Variants in SPTBN5 observed in about 807,000 individuals in gnomAD.
The protein encoded by SPTBN5 is spectrin beta chain, non-erythrocytic 5.
A neutral mutation model predicts 477.6 loss-of-function variants in SPTBN5; 513 were observed. That is an observed-to-expected ratio of 1.07 (90% CI 1.00 to 1.16). SPTBN5 has a LOEUF of 1.16. Among genes scored for constraint, SPTBN5 ranks in the 50% most tolerant of loss-of-function variants. The probability of loss-of-function intolerance (pLI) is 0.00; values close to 1 mark genes in which losing one functional copy is unlikely to be tolerated. For synonymous variants in SPTBN5, 2,169 were observed against 2,011.7 expected (o/e 1.08, Z -2.09); for missense variants, 5,062 against 4,731.8 (o/e 1.07, Z -2.05).
At chr15:41,888,574 C>T (rs1280460172) in intron 4 of SPTBN5, among the ~76,000 whole-genome samples, 1 of 152,234 alleles carries the variant, frequency 6.6e-6, no homozygotes, top group Admixed American at 6.5e-5. Context: ...AATTCTCCTG[C>T]CTCAGCCTCC....
intron 33 of SPTBN5, 52 bp from the exon 34 acceptor site, chr15:41,868,270 G>A (rs2066405214): frequency 6.4e-7 from 1 of 1,569,388 alleles, no homozygotes; most frequent in Non-Finnish European, 8.6e-7. Flanking sequence ...TGTGGGTGAG[G>A]TGAGGACTGG....
chr15:41,861,191 C>G (rs141661907), intron 46 of SPTBN5, among the ~76,000 whole-genome samples: 82 of 152,350 alleles, frequency 5.4e-4, no homozygotes, highest in Non-Finnish European at 1.1e-3. Flanking sequence ...CCCACACAGG[C>G]ACTCTAGAAG....
chr15:41,892,201 G>A (rs1385196804), intron 3 of SPTBN5, among the ~76,000 whole-genome samples: 2 of 152,146 alleles, frequency 1.3e-5, no homozygotes, highest in Admixed American at 6.5e-5. Flanking sequence ...GCTCCATCCA[G>A]CCAGGCCCAG....
Position 41,852,845 on chromosome 15 carries a change from G to T in SPTBN5, c.10326C>A (p.Leu3442=), listed in dbSNP as rs369795370. 1 of 1,606,814 alleles carries T rather than the reference G, an allele frequency of 6.2e-7. No individual in the cohort carries two copies. The highest frequency in any genetic ancestry group is 8.5e-7 in the Non-Finnish European group (1 of 1,175,508). Residue 3442 remains leucine, a synonymous_variant, in exon 60 of 68, where the codon CTC becomes CTA. Coordinates refer to ENST00000320955, the MANE Select transcript of SPTBN5 (RefSeq NM_016642.4). ...AEAWLACWEG[L]LLKPDYGHSV... ...TCACCCCATAGTCGGGCTTCAGCAG[G>T]AGTCCCTCCCAGCAGGCCAGCCAGG...
chr15:41,855,520 C>T, intron 54 of SPTBN5, 29 bp downstream of exon 54: 1 of 1,603,280 alleles, frequency 6.2e-7, no homozygotes, highest in Non-Finnish European at 8.5e-7. Flanking sequence ...TCTCTCTGCT[C>T]CTTCGCGGAT....
Position 41,876,263 on chromosome 15 carries a change from C to A in SPTBN5, c.3973G>T (p.Glu1325Ter). Residue 1325 changes from glutamate (E) to a stop codon, truncating the protein, a stop_gained, in exon 21 of 68, where the codon GAG (glutamate) becomes TAG (stop). Coordinates refer to ENST00000320955, the MANE Select transcript of SPTBN5 (RefSeq NM_016642.4). LOFTEE classifies it high-confidence loss of function. ...QLQEWKQDVA[E>*]LMQWMEEKGL... ...TTCTCTTCCATCCACTGCATCAGCT[C>A]TGCCACATCCTGCTTCCACTCCTGC... is the stretch of plus-strand genomic sequence containing the variant. 6.3e-7 allele frequency: 1 copy of A among 1,576,658 alleles called. No individual in the cohort carries two copies. The highest frequency in any genetic ancestry group is 8.6e-7 in the Non-Finnish European group (1 of 1,161,110).
In SPTBN5 at chr15:41,869,884, G is replaced by A; in HGVS notation, c.5810C>T (p.Ala1937Val). 3.9e-6 allele frequency: 6 copies of A among 1,554,050 alleles called. No homozygotes were observed. Among genetic ancestry groups the A allele is most frequent in the Non-Finnish European group, 5.2e-6 (6 of 1,157,412 alleles). Reference sequence around the variant, plus strand: ...CAGGAGGCGTGCCCGCTCCAGCTGGGCCCTGCGCTGCTCCATGCGTCGCTG... The same window carrying A: ...CAGGAGGCGTGCCCGCTCCAGCTGGACCCTGCGCTGCTCCATGCGTCGCTG... Reference protein sequence around the residue: ...VLQRRMEQRRAQLERARLLAR... With the variant: ...VLQRRMEQRRVQLERARLLAR... Residue 1937 changes from alanine to valine, a missense_variant, in exon 32 of 68, where the codon GCC becomes GTC. By Grantham distance (64) the Ala-to-Val change is moderately conservative. Transcript: ENST00000320955.
intron 19 of SPTBN5, 50 bp from the exon 20 acceptor site, chr15:41,876,697 C>A (rs944798223): frequency 6.3e-7 from 1 of 1,585,804 alleles, no homozygotes. Flanking sequence ...GACTCCCACC[C>A]CAGCACGAGG....
chr15:41,855,112 G>A, intron 55 of SPTBN5, 112 bp downstream of exon 55: 2 of 1,438,606 alleles, frequency 1.4e-6, no homozygotes, highest in Admixed American at 2.3e-5. Context: ...TCCTCCCTAG[G>A]ACACCCTCTC....
chr15:41,863,842 T>C (rs558378571), intron 40 of SPTBN5, 24 bp from the exon 41 acceptor site: 4 of 1,613,400 alleles, frequency 2.5e-6, no homozygotes, highest in Middle Eastern at 1.7e-4. Flanking sequence ...GGTGGTGTCA[T>C]GTGGAGCCTG....
chr15:41,848,380 C>T lies in SPTBN5; in HGVS notation c.*236G>A, dbSNP rs879848917. ...CTTGCCCACCTGCTCTGCCGTAACA[C>T]GTCTCCTCTTCACCCAGACAGGAAT... is the stretch of plus-strand genomic sequence containing the variant. On this transcript the variant is annotated 3_prime_UTR_variant, in exon 68 of 68. Transcript: ENST00000320955. The T allele has an allele frequency of 5.0e-6, 3 of 604,604 alleles. No homozygotes were observed. The highest frequency in any genetic ancestry group is 9.0e-6 in the Non-Finnish European group (3 of 334,306). The allele number at this position is 604,604 out of a possible 1,614,324, so 37.5% of individuals were successfully genotyped here. A position where few individuals can be genotyped will look rare whatever the true frequency, so the allele number is the denominator to read the frequency against.
At position 41,848,153 on chromosome 15, in the gene SPTBN5, C is replaced by T. The variant is rs1331957922; in HGVS notation, c.*463G>A. 5.5e-6 allele frequency: 3 copies of T among 547,974 alleles called. No homozygotes were observed. In the African/African-American group the frequency reaches 5.7e-5, roughly 10 times the overall value. 33.9% of individuals were successfully genotyped at this position (547,974 alleles called of 1,614,324 possible). On this transcript the variant is annotated 3_prime_UTR_variant, in exon 68 of 68. Coordinates refer to ENST00000320955, the MANE Select transcript of SPTBN5 (RefSeq NM_016642.4). ...CACAGACTCATACAAATGTGAGGCG[C>T]TGAGACCATCTGTTATTACTGCTGA... is the stretch of plus-strand genomic sequence containing the variant.
rs1391372170 is a variant in SPTBN5 at position 41,860,736 on chromosome 15, G to T, written c.7838C>A (p.Pro2613His). 1.3e-6 allele frequency: 2 copies of T among 1,596,116 alleles called. No individual in the cohort carries two copies. Among genetic ancestry groups the T allele is most frequent in the Non-Finnish European group, 1.7e-6 (2 of 1,172,152 alleles). Reference protein sequence around the residue: ...GLWDPLAPMEPLLWKHKMLEW... With the variant: ...GLWDPLAPMEHLLWKHKMLEW... The stretch of plus-strand genomic sequence containing the variant: ...CAGCATCTTGTGCTTCCACAGAAGG[G>T]GCTCCATGGGGGCCAAGGGGTCCTG... Residue 2613 changes from proline to histidine, a missense_variant, in exon 47 of 68, where the codon CCC becomes CAC. By Grantham distance (77) the Pro-to-His change is moderately conservative. Coordinates refer to ENST00000320955, the MANE Select transcript of SPTBN5 (RefSeq NM_016642.4).
intron 66 of SPTBN5, 97 bp from the exon 67 acceptor site, chr15:41,850,056 C>G (rs2065700406): frequency 1.0e-6 from 1 of 989,980 alleles, no homozygotes; most frequent in African/African-American, 1.6e-5. Context: ...AGGCTCAGCA[C>G]AGCCTTAGGC....
intron 49 of SPTBN5, among the ~76,000 whole-genome samples, chr15:41,858,342 A>G (rs1021166579): frequency 6.6e-6 from 1 of 151,812 alleles, no homozygotes; most frequent in African/African-American, 2.4e-5. Flanking sequence ...ACTGGTGGCT[A>G]TGTCCTGTTC....
rs368633339 is a variant in SPTBN5 at position 41,856,548 on chromosome 15, C to T, written c.8859G>A (p.Leu2953=). ...SSHEALTRVV[L]GTGYKLVQAG... ...CCTGCACCAGCTTGTACCCAGTGCC[C>T]AGCACCACCCGGGTCAGAGCCTCGT... The change falls in exon 53 of 68, where the codon CTG becomes CTA. Residue 2953 remains leucine (L), a synonymous_variant. Coordinates refer to ENST00000320955, the MANE Select transcript of SPTBN5 (RefSeq NM_016642.4). The T allele has an allele frequency of 6.9e-6, 11 of 1,601,792 alleles. No individual in the cohort carries two copies. The highest frequency in any genetic ancestry group is 3.3e-4 in the Middle Eastern group (2 of 6,066).
In SPTBN5 at chr15:41,879,835, C is replaced by T. The variant is rs767225184; in HGVS notation, c.2841G>A (p.Lys947=). The T allele has an allele frequency of 1.2e-6, 2 of 1,613,964 alleles. No homozygotes were observed. Among genetic ancestry groups the T allele is most frequent in the Non-Finnish European group, 1.7e-6 (2 of 1,179,894 alleles). The stretch of plus-strand genomic sequence containing the variant: ...AGCTGCTGACCTCAGCCCAGAGGCC[C>T]TTTCCCACAGCCAGGGCAGTGAGGA... ...ENFLTALAVG[K]GLWAEVSSSA... is the part of the protein sequence containing the mutation. The change falls in exon 15 of 68, where the codon AAG becomes AAA. Residue 947 remains lysine (K), a synonymous_variant. Transcript: ENST00000320955.
intron 3 of SPTBN5, among the ~76,000 whole-genome samples, chr15:41,891,278 G>A (rs1203687421): frequency 6.6e-6 from 1 of 152,192 alleles, no homozygotes. Context: ...AAGACCTGAA[G>A]GGCAACTGGC....
chr15:41,868,441 A>T lies in SPTBN5; in HGVS notation c.6014T>A (p.Leu2005Gln). The T allele has an allele frequency of 6.2e-7, 1 of 1,609,356 alleles. No homozygotes were observed. The highest frequency in any genetic ancestry group is 8.5e-7 in the Non-Finnish European group (1 of 1,177,812). The change falls in exon 33 of 68, where the codon CTG (leucine) becomes CAG (glutamine). Residue 2005 changes from leucine (L) to glutamine (Q), a missense_variant. Physicochemically the swap from Leu to Gln is moderately radical, Grantham distance 113 (BLOSUM62 -2). Coordinates refer to ENST00000320955, the MANE Select transcript of SPTBN5 (RefSeq NM_016642.4). The stretch of plus-strand genomic sequence containing the variant: ...TGCAGCAAGAAGTGCCTGCTGCCCC[A>T]GCTGGGTGGCCTGCTGCCACAGCTT... Reference protein sequence around the residue: ...REKLWQQATQLGQQALLAAGT... With the variant: ...REKLWQQATQQGQQALLAAGT...
Sources: allele counts gnomAD v4.1 joint callset (sites outside exome capture counted in the v4.1 genomes callset), GRCh38; gene constraint gnomAD v4.1.1; transcripts MANE v1.5; gene names NCBI Gene and HGNC (gene_info 2026-07-23, HGNC 2026-07-21).